Variants in FOCAD observed in about 807,000 individuals in gnomAD.
FOCAD encodes the protein KIAA1797.
FOCAD carries 198 observed loss-of-function variants against 225.6 expected under a neutral mutation model. That is an observed-to-expected ratio of 0.88 (90% confidence interval 0.78 to 0.99). The LOEUF is 0.99. Ranked by LOEUF, FOCAD falls within the 50% of genes least tolerant of loss-of-function variation. The pLI, the probability that FOCAD is intolerant of heterozygous loss-of-function variation, is 0.00. For synonymous variants in FOCAD, 897 were observed against 755.0 expected, an observed-to-expected ratio of 1.19 and a Z score of -3.08; for missense variants, 2,713 against 2,123.6, an observed-to-expected ratio of 1.28 and a Z score of -5.46.
chr9:20,772,403 G>T (rs1256201369), intron 8 of FOCAD, among the ~76,000 whole-genome samples: 1 of 152,196 alleles, frequency 6.6e-6, no homozygotes, highest in East Asian at 1.9e-4. Flanking sequence ...GACAGGGCTT[G>T]TGGTGGAACT....
At chr9:20,942,643 A>G (rs1836785206) in intron 28 of FOCAD, among the ~76,000 whole-genome samples, 1 of 152,014 alleles carries the variant, frequency 6.6e-6, no homozygotes, top group African/African-American at 2.4e-5. Flanking sequence ...AAAATTCTTC[A>G]TTTGGTTAGT....
At chr9:20,842,450 T>C (rs1005682931) in intron 15 of FOCAD, among the ~76,000 whole-genome samples, 1 of 151,940 alleles carries the variant, frequency 6.6e-6, no homozygotes, top group Admixed American at 6.6e-5. Context: ...ATGTATAGTT[T>C]TTTTATCCTC....
intron 29 of FOCAD, 107 bp from the exon 30 acceptor site, chr9:20,946,594 C>G: frequency 1.6e-6 from 2 of 1,247,572 alleles, no homozygotes. Context: ...GTATGTGAAT[C>G]CAATTCTTAC....
chr9:20,656,356 T>C (rs1474381083), upstream of FOCAD, among the ~76,000 whole-genome samples: 7 of 151,954 alleles, frequency 4.6e-5, no homozygotes, highest in South Asian at 2.1e-4. Context: ...CTCGTTGATC[T>C]GTCTAATGTT....
chr9:20,930,063 C>G (rs1425951086), intron 27 of FOCAD, among the ~76,000 whole-genome samples: 1 of 152,104 alleles, frequency 6.6e-6, no homozygotes, highest in Non-Finnish European at 1.5e-5. Context: ...ACTACATGTA[C>G]CCGGCTTTAA....
chr9:20,791,262 C>CAG (rs1587177785), intron 11 of FOCAD, among the ~76,000 whole-genome samples: 2 of 151,500 alleles, frequency 1.3e-5, no homozygotes, highest in African/African-American at 2.4e-5. Flanking sequence ...CACACACACA[C>CAG]AGGAAATTTG....
At position 20,971,418 on chromosome 9, in the gene FOCAD, A is replaced by G. The variant is rs142287504; in HGVS notation, c.4133-5002A>G. On this transcript the variant is annotated intron_variant, in intron 35 of 43. Transcript: ENST00000338382. ...GTGATAAGTACACAATGTAAAATTT[A>G]CCCTCATAACCATTTTTTTTTATTT... 4.1e-3 allele frequency among the ~76,000 whole-genome samples: 622 copies of G among 152,050 alleles called. 5 individuals are homozygous for G. Among genetic ancestry groups the G allele is most frequent in the African/African-American group, 0.014 (599 of 41,466 alleles).
At chr9:20,658,093 G>T (rs1287069919), upstream of FOCAD, among the ~76,000 whole-genome samples, 4 of 150,306 alleles carry the variant, frequency 2.7e-5, no homozygotes, top group South Asian at 6.5e-4. Context: ...GCTGCTCAGG[G>T]GTCAGGGGTC....
At chr9:20,969,606 A>T (rs975842686) in intron 35 of FOCAD, among the ~76,000 whole-genome samples, 2 of 151,990 alleles carry the variant, frequency 1.3e-5, no homozygotes, top group African/African-American at 4.8e-5. Context: ...ACATTTGTAT[A>T]CATTATGTGC....
At chr9:20,856,787 C>T (rs1386354654) in intron 15 of FOCAD, among the ~76,000 whole-genome samples, 1 of 151,982 alleles carries the variant, frequency 6.6e-6, no homozygotes, top group Non-Finnish European at 1.5e-5. Flanking sequence ...AGATAGGGGT[C>T]AAGTTTCATT....
intron 4 of FOCAD, among the ~76,000 whole-genome samples, chr9:20,739,356 C>A (rs1586981054): frequency 6.6e-6 from 1 of 152,264 alleles, no homozygotes; most frequent in South Asian, 2.1e-4. Flanking sequence ...GTAATCCCAG[C>A]ACTTTGGGAG....
At chr9:20,873,535 G>A (rs1277740468) in intron 18 of FOCAD, among the ~76,000 whole-genome samples, 4 of 152,112 alleles carry the variant, frequency 2.6e-5, no homozygotes, top group Admixed American at 2.6e-4. Context: ...GGCTGATTCC[G>A]CCCTCTGAGA....
At chr9:20,785,742 A>G (rs965766935) in intron 10 of FOCAD, among the ~76,000 whole-genome samples, 1 of 152,138 alleles carries the variant, frequency 6.6e-6, no homozygotes, top group African/African-American at 2.4e-5. Flanking sequence ...GTGTGGACAA[A>G]TGTTTTCATT....
intron 2 of FOCAD, among the ~76,000 whole-genome samples, chr9:20,677,102 G>A (rs990615207): frequency 6.6e-6 from 1 of 152,152 alleles, no homozygotes; most frequent in Non-Finnish European, 1.5e-5. Flanking sequence ...ATGGTCAACT[G>A]ATCTTAAACA....
intron 43 of FOCAD, 51 bp from the exon 44 acceptor site, chr9:20,995,505 G>C: frequency 1.3e-6 from 2 of 1,482,786 alleles, no homozygotes; most frequent in Non-Finnish European, 9.4e-7. Flanking sequence ...ACACCTTTTT[G>C]ATCAAAATGA....
chr9:20,880,157 TG>T (rs938891518), intron 19 of FOCAD, among the ~76,000 whole-genome samples: 2 of 152,016 alleles, frequency 1.3e-5, no homozygotes, highest in African/African-American at 2.4e-5. Flanking sequence ...CAAGAAAGGG[TG>T]GGGGATACAT....
intron 28 of FOCAD, among the ~76,000 whole-genome samples, chr9:20,941,510 A>T (rs1020812120): frequency 3.3e-5 from 5 of 152,238 alleles, no homozygotes; most frequent in African/African-American, 4.8e-5. Flanking sequence ...TTGAAGATTC[A>T]TCTCTGATTA....
At chr9:20,923,327 G>A (rs1359040735) in intron 24 of FOCAD, among the ~76,000 whole-genome samples, 1 of 151,996 alleles carries the variant, frequency 6.6e-6, no homozygotes, top group African/African-American at 2.4e-5. Context: ...ATTTTAAATT[G>A]GCCAAAGATG....
At chr9:20,976,658 C>A in intron 36 of FOCAD, 110 bp downstream of exon 36, 3 of 1,190,238 alleles carry the variant, frequency 2.5e-6, no homozygotes, top group Admixed American at 1.9e-5. Context: ...CTTTTCAGAT[C>A]TTGAGGTTTG....
Sources: allele counts gnomAD v4.1 joint callset (sites outside exome capture counted in the v4.1 genomes callset), GRCh38; gene constraint gnomAD v4.1.1; transcripts MANE v1.5; gene names NCBI Gene and HGNC (gene_info 2026-07-23, HGNC 2026-07-21).